PROKR2: variants seen among roughly 807,000 people sequenced by gnomAD.
The protein encoded by PROKR2 is prokineticin receptor 2.
In PROKR2, 26 loss-of-function variants were observed where a neutral mutation model predicts 23.4. The ratio of observed to expected loss-of-function variants is 1.11; its 90% CI spans 0.81 to 1.54. The LOEUF (loss-of-function observed/expected upper bound fraction) is 1.54, where lower values mean the gene tolerates loss of function less well. Ranked by LOEUF, PROKR2 falls within the 40% of genes most tolerant of loss-of-function variation. PROKR2 has a pLI of 0.00. For missense variants in PROKR2, 453 were observed against 511.5 expected (o/e 0.89, Z 1.10); for synonymous variants, 212 against 201.2 (o/e 1.05, Z -0.45).
chr20:5,304,142 C>T (rs1979126911), intron 2 of PROKR2, among the ~76,000 whole-genome samples: 1 of 152,030 alleles, frequency 6.6e-6, no homozygotes, highest in Non-Finnish European at 1.5e-5. Context: ...AGTAGTTGCC[C>T]CAGTGACTAT....
chr20:5,300,400 T>A lies in PROKR2; in HGVS notation c.*1640A>T, dbSNP rs1485371174. On this transcript the variant is annotated 3_prime_UTR_variant, in exon 3 of 3. Transcript: ENST00000678254. ...GTAGACAAGGTACACTGTGAAGTCT[T>A]CAGGAGTCTTTCATCCAAAGAACAG... Among the ~76,000 whole-genome samples, 1 of 152,170 alleles carries A rather than the reference T, an allele frequency of 6.6e-6. No individual in the cohort carries two copies. The highest frequency in any genetic ancestry group is 1.9e-4 in the East Asian group (1 of 5,190).
At chr20:5,305,603 A>G (rs573639313) in intron 2 of PROKR2, among the ~76,000 whole-genome samples, 1 of 152,336 alleles carries the variant, frequency 6.6e-6, no homozygotes, top group African/African-American at 2.4e-5. Context: ...AGGATTTGGA[A>G]GCACAAATAA....
chr20:5,310,209 C>T (rs1456056984), intron 2 of PROKR2, among the ~76,000 whole-genome samples: 1 of 152,164 alleles, frequency 6.6e-6, no homozygotes, highest in African/African-American at 2.4e-5. Flanking sequence ...AAGAGGGACA[C>T]CGGCAAGGTC....
At chr20:5,304,151 A>G (rs7262164) in intron 2 of PROKR2, among the ~76,000 whole-genome samples, 79,467 of 151,828 alleles carry the variant, frequency 0.52, 20,825 homozygotes, top group African/African-American at 0.57. Flanking sequence ...CCCAGTGACT[A>G]TTCGAGCAGC....
At position 5,301,404 on chromosome 20, in the gene PROKR2, G is replaced by T. The variant is rs1269443612; in HGVS notation, c.*636C>A. 1.3e-5 allele frequency among the ~76,000 whole-genome samples: 2 copies of T among 152,092 alleles called. No individual in the cohort carries two copies. Among genetic ancestry groups the T allele is most frequent in the African/African-American group, 4.8e-5 (2 of 41,408 alleles). On this transcript the variant is annotated 3_prime_UTR_variant, in exon 3 of 3. Coordinates refer to ENST00000678254, the MANE Select transcript of PROKR2 (RefSeq NM_144773.4). Reference sequence around the variant, plus strand: ...CCCGCCACCACGCCTAGCTAATTTTGTATTTTTAGTAGAGACAGGGTTTCA... The same window carrying T: ...CCCGCCACCACGCCTAGCTAATTTTTTATTTTTAGTAGAGACAGGGTTTCA...
At chr20:5,305,607 C>G (rs1177446539) in intron 2 of PROKR2, among the ~76,000 whole-genome samples, 7 of 151,766 alleles carry the variant, frequency 4.6e-5, no homozygotes, top group Non-Finnish European at 1.0e-4. Context: ...TTTGGAAGCA[C>G]AAATAAACAA....
Position 5,302,137 on chromosome 20 carries a change from C to T in PROKR2, c.1058G>A (p.Arg353His), listed in dbSNP as rs576243101. Residue 353 changes from arginine to histidine, a missense_variant, in exon 3 of 3, where the codon CGT (arginine) becomes CAT (histidine). Transcript: ENST00000678254. ...YFKKMMLLHW[R>H]PSQRGSKSSA... ...GGACTTGCTCCCCCGCTGGGAGGGA[C>T]GCCAGTGCAGCAGCATCATCTTCTT... The T allele has an allele frequency of 6.8e-5, 110 of 1,614,144 alleles. No homozygotes were observed. The East Asian group carries it at 8.0e-4, about 12-fold the overall frequency.
At chr20:5,312,306 C>T (rs1319803869) in intron 2 of PROKR2, among the ~76,000 whole-genome samples, 1 of 152,176 alleles carries the variant, frequency 6.6e-6, no homozygotes, top group African/African-American at 2.4e-5. Context: ...GGGGTTTCAC[C>T]ATGCTGGCCA....
rs139789618 is a variant in PROKR2 at position 5,303,951 on chromosome 20, A to G, written c.459-1215T>C. On this transcript the variant is annotated intron_variant, in intron 2 of 2. Transcript: ENST00000678254. The stretch of plus-strand genomic sequence containing the variant: ...ACCTTGGAACTTTTTCACACTGATG[A>G]TGAGGAGGAAGGAGAGTATAACGAA... Among the ~76,000 whole-genome samples the G allele has an allele frequency of 2.7e-3, 418 of 152,220 alleles. 2 individuals are homozygous for G. Among genetic ancestry groups the G allele is most frequent in the African/African-American group, 8.9e-3 (369 of 41,538 alleles).
chr20:5,302,806 A>G, intron 2 of PROKR2, 70 bp from the exon 3 acceptor site: 1 of 1,142,578 alleles, frequency 8.8e-7, no homozygotes, highest in Non-Finnish European at 1.3e-6. Flanking sequence ...ACTAACCCCA[A>G]ACATACACTA....
rs1032696043 is a variant in PROKR2, at chr20:5,316,812, G to A, written c.-327C>T. 6.6e-6 allele frequency among the ~76,000 whole-genome samples: 1 copy of A among 152,108 alleles called. No homozygotes were observed. Among genetic ancestry groups the A allele is most frequent in the Non-Finnish European group, 1.5e-5 (1 of 68,004 alleles). Reference sequence around the variant, plus strand: ...TGCCTCCTAGTCCAGGCCAAGGGTGGATGCCCAGCTCCCCCACCCCACCGC... The same window carrying A: ...TGCCTCCTAGTCCAGGCCAAGGGTGAATGCCCAGCTCCCCCACCCCACCGC... On this transcript the variant is annotated 5_prime_UTR_variant, in exon 1 of 3. Coordinates refer to ENST00000678254, the MANE Select transcript of PROKR2 (RefSeq NM_144773.4). This position sits in a 1 kb window ranked among gnomAD's most constrained non-coding sequence, Gnocchi z 5.0.
chr20:5,316,946 A>G lies in PROKR2; in HGVS notation c.-461T>C, dbSNP rs1979705317. 6.6e-6 allele frequency among the ~76,000 whole-genome samples: 1 copy of G among 152,230 alleles called. No individual in the cohort carries two copies. Among genetic ancestry groups the G allele is most frequent in the African/African-American group, 2.4e-5 (1 of 41,474 alleles). On this transcript the variant is annotated 5_prime_UTR_variant, in exon 1 of 3. The change abolishes an upstream ATG in the 5' untranslated region. Coordinates refer to ENST00000678254, the MANE Select transcript of PROKR2 (RefSeq NM_144773.4). The surrounding 1 kb of genome is among the most constrained non-coding windows in gnomAD (Gnocchi z 5.0). ...CTCGCACGGATTTCAGCGCCTTCGCATCCCGTCTGAATCGGACCACACAGT... is the reference window on the plus strand; with the variant it reads ...CTCGCACGGATTTCAGCGCCTTCGCGTCCCGTCTGAATCGGACCACACAGT...
chr20:5,306,360 A>T (rs1979220998), intron 2 of PROKR2, among the ~76,000 whole-genome samples: 1 of 152,250 alleles, frequency 6.6e-6, no homozygotes, highest in South Asian at 2.1e-4. Flanking sequence ...GGAGCATTAC[A>T]GCCAGGATTG....
In PROKR2 at chr20:5,305,994, G is replaced by A. The variant is rs143255903; in HGVS notation, c.459-3258C>T. Among the ~76,000 whole-genome samples the A allele has an allele frequency of 2.3e-3, 349 of 152,244 alleles. 1 individual carries two copies. Among genetic ancestry groups the A allele is most frequent in the African/African-American group, 8.1e-3 (335 of 41,524 alleles). On this transcript the variant is annotated intron_variant, in intron 2 of 2. Transcript: ENST00000678254. ...ACATATGATGCATGAAATGGGGTAT[G>A]TCCCTGGTATGAGACTAGGAAAAAA...
In PROKR2 at chr20:5,314,150, A is replaced by T; in HGVS notation, c.220T>A (p.Phe74Ile). The T allele has an allele frequency of 6.2e-7, 1 of 1,614,194 alleles. No homozygotes were observed. Among genetic ancestry groups the T allele is most frequent in the Non-Finnish European group, 8.5e-7 (1 of 1,180,014 alleles). ...MLVCGIGNFV[F>I]IAALTRYKKL... is the part of the protein sequence containing the mutation. The stretch of plus-strand genomic sequence containing the variant: ...TTATAGCGGGTGAGGGCAGCGATAA[A>T]GACAAAGTTACCGATGCCGCAGACC... Residue 74 changes from phenylalanine (F) to isoleucine (I), a missense_variant, in exon 2 of 3, where the codon TTT becomes ATT. Transcript: ENST00000678254.
At chr20:5,311,522 A>G (rs6076805) in intron 2 of PROKR2, among the ~76,000 whole-genome samples, 77,321 of 151,772 alleles carry the variant, frequency 0.51, 19,973 homozygotes, top group African/African-American at 0.61. Flanking sequence ...TTTCAGTGGG[A>G]CAAGGGGAAT....
chr20:5,308,007 T>C (rs1341631654), intron 2 of PROKR2, among the ~76,000 whole-genome samples: 2 of 151,966 alleles, frequency 1.3e-5, no homozygotes, highest in Non-Finnish European at 1.5e-5. Context: ...TAGTAACCCA[T>C]TAAAATGGAT....
chr20:5,309,219 C>T (rs1979342109), intron 2 of PROKR2, among the ~76,000 whole-genome samples: 1 of 152,178 alleles, frequency 6.6e-6, no homozygotes, highest in Non-Finnish European at 1.5e-5. Flanking sequence ...GAATTAGTCT[C>T]CTATTGCTGC....
At position 5,313,928 on chromosome 20, in the gene PROKR2, C is replaced by T. The variant is rs370778947; in HGVS notation, c.442G>A (p.Ala148Thr). ...SLYVSTNALLAIAIDRYLAIV... is the reference protein window; with the variant it reads ...SLYVSTNALLTIAIDRYLAIV... The stretch of plus-strand genomic sequence containing the variant: ...CATCCTCACCTGTCAATGGCAATGG[C>T]CAGCAAGGCATTGGTGGAGACGTAG... The change falls in exon 2 of 3, where the codon GCC becomes ACC. Residue 148 changes from alanine (A) to threonine (T), a missense_variant. Coordinates refer to ENST00000678254, the MANE Select transcript of PROKR2 (RefSeq NM_144773.4). The T allele has an allele frequency of 6.2e-7, 1 of 1,614,078 alleles. No individual in the cohort carries two copies. The highest frequency in any genetic ancestry group is 8.5e-7 in the Non-Finnish European group (1 of 1,180,008).
Sources: allele counts gnomAD v4.1 joint callset (sites outside exome capture counted in the v4.1 genomes callset), GRCh38; gene constraint gnomAD v4.1.1; non-coding constraint Gnocchi (gnomAD v3.1); transcripts MANE v1.5; gene names NCBI Gene and HGNC (gene_info 2026-07-23, HGNC 2026-07-21).